SLC39A10: variants seen among roughly 807,000 people sequenced by gnomAD.
SLC39A10 encodes zinc transporter ZIP10.
SLC39A10 carries 13 observed loss-of-function variants against 65.1 expected under a neutral mutation model. That is an observed-to-expected ratio of 0.20 (90% confidence interval 0.13 to 0.32). SLC39A10 has a LOEUF of 0.32. SLC39A10 is among the 10% of genes least tolerant of loss of function. SLC39A10 has a pLI of 1.00. For synonymous variants in SLC39A10, 321 were observed against 342.2 expected (o/e 0.94, Z 0.68); for missense variants, 831 against 1,018.4 (o/e 0.82, Z 2.50).
chr2:195,628,599 G>T (rs368423259), intron 2 of SLC39A10, among the ~76,000 whole-genome samples: 5 of 152,128 alleles, frequency 3.3e-5, no homozygotes, highest in African/African-American at 4.8e-5. Context: ...ACAAATAATC[G>T]CAAGTAATTA....
intron 2 of SLC39A10, 70 bp from the exon 3 acceptor site, chr2:195,683,629 G>T (rs1690415778): frequency 1.2e-5 from 14 of 1,124,140 alleles, no homozygotes; most frequent in Non-Finnish European, 1.8e-5. Flanking sequence ...TTCTTAGGCA[G>T]TAATTTATTT....
chr2:195,659,402 C>T (rs1193052102), intron 1 of SLC39A10, among the ~76,000 whole-genome samples: 1 of 152,108 alleles, frequency 6.6e-6, no homozygotes, highest in Non-Finnish European at 1.5e-5. Context: ...TTGAGTAGGC[C>T]TCAAGTGTCG....
At chr2:195,699,464 C>T (rs889930428) in intron 3 of SLC39A10, among the ~76,000 whole-genome samples, 2 of 151,850 alleles carry the variant, frequency 1.3e-5, no homozygotes, top group African/African-American at 4.8e-5. Flanking sequence ...AGATGTATCC[C>T]TTAAGTTTTG....
At chr2:195,615,322 C>T (rs1203329932) in intron 2 of SLC39A10, among the ~76,000 whole-genome samples, 1 of 152,124 alleles carries the variant, frequency 6.6e-6, no homozygotes, top group Non-Finnish European at 1.5e-5. Context: ...CTGAAATCAC[C>T]TGGGGCAGTT....
At chr2:195,645,896 C>T (rs1688904615) in intron 2 of SLC39A10, among the ~76,000 whole-genome samples, 1 of 152,156 alleles carries the variant, frequency 6.6e-6, no homozygotes, top group African/African-American at 2.4e-5. Context: ...GTTAAAGCCA[C>T]AGGAAATAAG....
chr2:195,733,984 CTG>C (rs1692506459), intron 9 of SLC39A10, among the ~76,000 whole-genome samples: 1 of 151,882 alleles, frequency 6.6e-6, no homozygotes, highest in African/African-American at 2.4e-5. Flanking sequence ...TTTTCTGTGT[CTG>C]TTATTGGAAT....
chr2:195,619,732 A>T (rs1688310264), intron 2 of SLC39A10, among the ~76,000 whole-genome samples: 1 of 152,164 alleles, frequency 6.6e-6, no homozygotes, highest in Non-Finnish European at 1.5e-5. Flanking sequence ...TGAAAATAAA[A>T]AAAGAAAAAA....
chr2:195,652,911 C>T (rs1689070884), upstream of SLC39A10, among the ~76,000 whole-genome samples: 1 of 152,088 alleles, frequency 6.6e-6, no homozygotes, highest in Non-Finnish European at 1.5e-5. Flanking sequence ...GAGCACAAAC[C>T]CTATTGTGAA....
intron 5 of SLC39A10, among the ~76,000 whole-genome samples, chr2:195,712,674 T>C (rs1342030113): frequency 3.9e-5 from 6 of 152,136 alleles, no homozygotes; most frequent in African/African-American, 1.4e-4. Context: ...GTTACATTGA[T>C]AAAAGAAGAA....
At chr2:195,652,442 G>A (rs935907963), upstream of SLC39A10, among the ~76,000 whole-genome samples, 1 of 151,726 alleles carries the variant, frequency 6.6e-6, no homozygotes, top group Non-Finnish European at 1.5e-5. Flanking sequence ...CCAGCTACTC[G>A]GGAGGCTGAG....
chr2:195,676,973 C>T (rs1379523578), intron 1 of SLC39A10, among the ~76,000 whole-genome samples: 1 of 151,946 alleles, frequency 6.6e-6, no homozygotes, highest in Non-Finnish European at 1.5e-5. Flanking sequence ...ATAAGTTTTT[C>T]CTTTTAGTGG....
chr2:195,691,602 T>G (rs1304200154), intron 3 of SLC39A10, among the ~76,000 whole-genome samples: 1 of 152,226 alleles, frequency 6.6e-6, no homozygotes, highest in Non-Finnish European at 1.5e-5. Flanking sequence ...TGATTTGCAT[T>G]TCCCTGGTAA....
chr2:195,672,279 C>T (rs1689894659), intron 1 of SLC39A10, among the ~76,000 whole-genome samples: 1 of 152,038 alleles, frequency 6.6e-6, no homozygotes, highest in Admixed American at 6.6e-5. Flanking sequence ...TACAGGCATA[C>T]ACCACCACAC....
upstream of SLC39A10, among the ~76,000 whole-genome samples, chr2:195,651,765 G>A (rs1689036751): frequency 6.6e-6 from 1 of 151,988 alleles, no homozygotes; most frequent in Non-Finnish European, 1.5e-5. Context: ...GTGAGCCACT[G>A]CCCATGGCCC....
intron 3 of SLC39A10, among the ~76,000 whole-genome samples, chr2:195,693,561 C>T (rs556267904): frequency 1.8e-4 from 28 of 151,996 alleles, no homozygotes; most frequent in Non-Finnish European, 3.7e-4. Flanking sequence ...TTATCCATCT[C>T]ATCTAGGTTT....
chr2:195,690,737 T>A (rs1027041788), intron 3 of SLC39A10, among the ~76,000 whole-genome samples: 1 of 152,186 alleles, frequency 6.6e-6, no homozygotes, highest in Non-Finnish European at 1.5e-5. Flanking sequence ...GTTGTTGAAT[T>A]TTAGGAGTTC....
At chr2:195,626,866 A>C (rs1688484707) in intron 2 of SLC39A10, among the ~76,000 whole-genome samples, 1 of 152,218 alleles carries the variant, frequency 6.6e-6, no homozygotes, top group African/African-American at 2.4e-5. Flanking sequence ...CCTCATCTGT[A>C]TCCCAGGCTT....
At chr2:195,695,611 G>A (rs1690923659) in intron 3 of SLC39A10, among the ~76,000 whole-genome samples, 1 of 152,272 alleles carries the variant, frequency 6.6e-6, no homozygotes, top group South Asian at 2.1e-4. Flanking sequence ...TCCTCCAAAG[G>A]TCTGTGAATT....
chr2:195,677,992 C>T (rs1239286607), intron 1 of SLC39A10, among the ~76,000 whole-genome samples: 1 of 152,168 alleles, frequency 6.6e-6, no homozygotes, highest in Non-Finnish European at 1.5e-5. Context: ...AGGTGATCTG[C>T]CTGCCTTGGC....
Sources: allele counts gnomAD v4.1 joint callset (sites outside exome capture counted in the v4.1 genomes callset), GRCh38; gene constraint gnomAD v4.1.1; transcripts MANE v1.5; gene names NCBI Gene and HGNC (gene_info 2026-07-23, HGNC 2026-07-21).